The following KANSL1 variants were observed in gnomAD, a reference collection of about 807,000 sequenced individuals.
The protein encoded by KANSL1 is KAT8 regulatory NSL complex subunit 1, also known as MLL1/MLL complex subunit KANSL1.
Under a neutral mutation model 103.6 loss-of-function variants are expected in KANSL1, and 22 were observed. That is an observed-to-expected ratio of 0.21 (90% confidence interval 0.15 to 0.30). The LOEUF is 0.30. KANSL1 is among the 10% of genes least tolerant of loss of function. KANSL1 has a pLI of 1.00. For missense variants in KANSL1, 1,337 were observed against 1,399.8 expected (o/e 0.96, Z 0.72); for synonymous variants, 600 against 527.6 (o/e 1.14, Z -1.88).
chr17:46,080,713 C>CCCCCCAA (rs1316007647), intron 4 of KANSL1, among the ~76,000 whole-genome samples: 3 of 148,228 alleles, frequency 2.0e-5, no homozygotes, highest in Non-Finnish European at 1.5e-5. Context: ...CCCCACCCCA[C>CCCCCCAA]CCCCCAACCC....
chr17:46,132,558 C>T (rs1378413710), intron 2 of KANSL1, among the ~76,000 whole-genome samples: 2 of 152,186 alleles, frequency 1.3e-5, no homozygotes, highest in Non-Finnish European at 2.9e-5. Context: ...CAAATCTGCG[C>T]CCAGTAATCT....
chr17:46,144,552 T>C (rs890090122), intron 2 of KANSL1, among the ~76,000 whole-genome samples: 2 of 152,248 alleles, frequency 1.3e-5, no homozygotes, highest in Admixed American at 1.3e-4. Flanking sequence ...GGTGAAATTT[T>C]ATAAACAGCC....
chr17:46,217,812 G>A (rs1181412452), intron 1 of KANSL1, among the ~76,000 whole-genome samples: 2 of 152,208 alleles, frequency 1.3e-5, no homozygotes, highest in African/African-American at 2.4e-5. Context: ...ATCACCTGAG[G>A]TCAGGAGTTC....
At chr17:46,079,602 T>C (rs1186601580) in intron 4 of KANSL1, among the ~76,000 whole-genome samples, 2 of 152,210 alleles carry the variant, frequency 1.3e-5, no homozygotes, top group African/African-American at 4.8e-5. Flanking sequence ...CATTCTTCCT[T>C]TTTATCTGGT....
intron 1 of KANSL1, among the ~76,000 whole-genome samples, chr17:46,213,972 A>G (rs570595489): frequency 3.9e-5 from 6 of 152,152 alleles, no homozygotes; most frequent in Non-Finnish European, 7.3e-5. Flanking sequence ...CTAAAAATCA[A>G]TTCCCTGCCA....
intron 2 of KANSL1, among the ~76,000 whole-genome samples, chr17:46,137,240 C>CTGAATG (rs2044193454): frequency 6.6e-6 from 1 of 152,258 alleles, no homozygotes; most frequent in Non-Finnish European, 1.5e-5. Context: ...TATTCATCCT[C>CTGAATG]ATTCTCTGAA....
upstream of KANSL1, among the ~76,000 whole-genome samples, chr17:46,198,057 T>A (rs2047671448): frequency 6.6e-6 from 1 of 152,204 alleles, no homozygotes; most frequent in Non-Finnish European, 1.5e-5. Flanking sequence ...GCCCATTTTT[T>A]TGGTTACTTA....
chr17:46,036,811 C>A (rs2077164384), intron 10 of KANSL1, among the ~76,000 whole-genome samples: 1 of 152,080 alleles, frequency 6.6e-6, no homozygotes, highest in Non-Finnish European at 1.5e-5. Context: ...CCTCCGCTTC[C>A]CAGTTCAAGT....
At chr17:46,094,254 G>GC in intron 3 of KANSL1, 1 of 327,042 alleles carries the variant, frequency 3.1e-6, no homozygotes, top group Non-Finnish European at 5.5e-6. Context: ...ATGCTATCAT[G>GC]CTCAACTAAT....
At chr17:46,119,305 G>A (rs1244591831) in intron 2 of KANSL1, among the ~76,000 whole-genome samples, 1 of 144,616 alleles carries the variant, frequency 6.9e-6, no homozygotes, top group South Asian at 2.2e-4. Flanking sequence ...TGGCTCCAGA[G>A]TCCTCAATTT....
Position 46,171,118 on chromosome 17 carries a change from G to A in KANSL1, c.1026C>T (p.Ser342=), listed in dbSNP as rs1309767881. The change falls in exon 2 of 15, where the codon AGC becomes AGT. Residue 342 remains serine (S), a synonymous_variant. Transcript: ENST00000432791. The part of the protein sequence containing the change: ...LPNLESLRPR[S]QLMLTRKAEA... ...CAGCCTTTCGAGTCAGCATCAACTG[G>A]CTCCGTGGTCTCAAGGATTCCAAGT... The A allele has an allele frequency of 6.2e-7, 1 of 1,614,010 alleles. No homozygotes were observed. Among genetic ancestry groups the A allele is most frequent in the African/African-American group, 1.3e-5 (1 of 74,892 alleles).
intron 1 of KANSL1, among the ~76,000 whole-genome samples, chr17:46,205,410 G>A (rs55945179): frequency 0.12 from 17,102 of 147,020 alleles, 21 homozygotes; most frequent in Middle Eastern, 0.18. Flanking sequence ...AGCCAAGCAC[G>A]ATGGCTCACA....
intron 2 of KANSL1, among the ~76,000 whole-genome samples, chr17:46,154,371 C>A (rs190125608): frequency 6.6e-6 from 1 of 152,226 alleles, no homozygotes; most frequent in Non-Finnish European, 1.5e-5. Flanking sequence ...CCTCGACCTC[C>A]CAGGCTCAAG....
chr17:46,107,570 A>C (rs375612369), intron 2 of KANSL1, among the ~76,000 whole-genome samples: 3 of 152,100 alleles, frequency 2.0e-5, no homozygotes, highest in Non-Finnish European at 4.4e-5. Context: ...GAAATCACTA[A>C]ATCTTCTTTC....
intron 2 of KANSL1, among the ~76,000 whole-genome samples, chr17:46,097,211 G>A (rs2042124299): frequency 6.6e-6 from 1 of 152,124 alleles, no homozygotes; most frequent in African/African-American, 2.4e-5. Flanking sequence ...AACGACATCT[G>A]TATGTATCAA....
At chr17:46,224,050 C>T (rs1166896714), upstream of KANSL1, among the ~76,000 whole-genome samples, 3 of 151,882 alleles carry the variant, frequency 2.0e-5, no homozygotes, top group Non-Finnish European at 2.9e-5. Context: ...GCTTATCAAA[C>T]AATTAGCCAA....
chr17:46,183,559 A>C (rs2046885266), intron 1 of KANSL1, among the ~76,000 whole-genome samples: 3 of 148,216 alleles, frequency 2.0e-5, no homozygotes, highest in Non-Finnish European at 4.5e-5. Context: ...AAAAGAGGAG[A>C]GGGGAGGAGA....
intron 2 of KANSL1, among the ~76,000 whole-genome samples, chr17:46,101,663 AGAATCGCTT>A (rs1368750490): frequency 4.8e-5 from 7 of 146,086 alleles, no homozygotes; most frequent in Non-Finnish European, 1.0e-4. Flanking sequence ...CTGAGGCAGG[AGAATCGCTT>A]GAACCCGGGA....
At chr17:46,173,326 C>G (rs1264267384) in intron 1 of KANSL1, among the ~76,000 whole-genome samples, 1 of 152,194 alleles carries the variant, frequency 6.6e-6, no homozygotes, top group East Asian at 1.9e-4. Flanking sequence ...CCTCAAGCCC[C>G]CTGAAGCTCA....
Sources: gnomAD v4.1 joint callset for allele counts (sites outside exome capture counted in the v4.1 genomes callset) on GRCh38, gnomAD v4.1.1 for gene constraint, MANE v1.5 for transcripts, NCBI Gene and HGNC (gene_info 2026-07-23, HGNC 2026-07-21) for gene names.